Variants in FAM13A observed in about 807,000 individuals in gnomAD.
FAM13A encodes protein FAM13A.
Under a neutral mutation model 129.6 loss-of-function variants are expected in FAM13A, and 76 were observed. The ratio of observed to expected loss-of-function variants is 0.59; its 90% CI spans 0.49 to 0.71. The LOEUF is 0.71. FAM13A is among the 30% of genes least tolerant of loss of function. The probability of loss-of-function intolerance (pLI) is 0.00; values close to 1 mark genes in which losing one functional copy is unlikely to be tolerated. For missense variants in FAM13A, 1,108 were observed against 1,249.3 expected, an observed-to-expected ratio of 0.89 and a Z score of 1.70; for synonymous variants, 443 against 449.9, an observed-to-expected ratio of 0.98 and a Z score of 0.20.
intron 5 of FAM13A, among the ~76,000 whole-genome samples, chr4:88,931,702 C>G (rs566747641): frequency 6.6e-6 from 1 of 152,150 alleles, no homozygotes; most frequent in Non-Finnish European, 1.5e-5. Flanking sequence ...CATCATTTAA[C>G]TTTTTTTAAC....
intron 1 of FAM13A, among the ~76,000 whole-genome samples, chr4:89,056,737 A>G (rs1347593258): frequency 1.3e-5 from 2 of 152,204 alleles, no homozygotes; most frequent in African/African-American, 4.8e-5. Context: ...TTTGGAAACT[A>G]AAGTGCACAA....
In FAM13A at chr4:88,727,462, G is replaced by C. The variant is rs570248500; in HGVS notation, c.*1071C>G. ...CTTTTTATACATGATCTCGAAAATA[G>C]TGTGATTTAGATTCTGCCTTGGGCT... On this transcript the variant is annotated 3_prime_UTR_variant, in exon 24 of 24. Transcript: ENST00000264344. 6.6e-6 allele frequency: 1 copy of C among 152,656 alleles called. No individual in the cohort carries two copies. The highest frequency in any genetic ancestry group is 2.1e-4 in the South Asian group (1 of 4,824). 9.5% of individuals were successfully genotyped at this position (152,656 alleles called of 1,614,324 possible). A position where few individuals can be genotyped will look rare whatever the true frequency, so the allele number is the denominator to read the frequency against.
intron 8 of FAM13A, among the ~76,000 whole-genome samples, chr4:88,797,681 A>G (rs983255569): frequency 6.6e-6 from 1 of 152,150 alleles, no homozygotes; most frequent in Non-Finnish European, 1.5e-5. Context: ...ACTGCCTTCA[A>G]CATAGTTTTT....
intron 7 of FAM13A, among the ~76,000 whole-genome samples, chr4:88,828,862 G>A (rs1221244180): frequency 3.3e-5 from 5 of 152,214 alleles, no homozygotes; most frequent in African/African-American, 1.2e-4. Flanking sequence ...AATCACAGAT[G>A]TGCTAAAAGT....
chr4:88,863,285 T>C (rs1013530608), intron 6 of FAM13A, among the ~76,000 whole-genome samples: 2 of 152,104 alleles, frequency 1.3e-5, no homozygotes, highest in African/African-American at 4.8e-5. Context: ...GGAACCTCCA[T>C]AAAAAGCGTA....
chr4:88,845,386 C>T (rs949455038), intron 7 of FAM13A, among the ~76,000 whole-genome samples: 2 of 151,966 alleles, frequency 1.3e-5, no homozygotes, highest in Non-Finnish European at 2.9e-5. Context: ...GCCTGAGATA[C>T]TGATTTCTTA....
At chr4:88,767,630 A>ACAAG in intron 12 of FAM13A, 35 bp from the exon 13 acceptor site, 3 of 1,508,052 alleles carry the variant, frequency 2.0e-6, no homozygotes, top group Non-Finnish European at 2.7e-6. Context: ...AAATCATAAA[A>ACAAG]TATCTACTTG....
chr4:88,873,986 C>A (rs1277360383), intron 6 of FAM13A, among the ~76,000 whole-genome samples: 2 of 151,988 alleles, frequency 1.3e-5, no homozygotes, highest in African/African-American at 2.4e-5. Context: ...TGGTTCAACA[C>A]ACGCAAATCA....
Position 88,851,083 on chromosome 4 carries a change from C to G in FAM13A, c.944G>C (p.Arg315Thr), listed in dbSNP as rs2149985561. The G allele has an allele frequency of 6.2e-7, 1 of 1,613,840 alleles. No individual in the cohort carries two copies. Among genetic ancestry groups the G allele is most frequent in the Admixed American group, 1.7e-5 (1 of 59,980 alleles). Residue 315 changes from arginine to threonine, a missense_variant, in exon 7 of 24, where the codon AGA becomes ACA. Around this residue, in one of 3 missense-constraint regions of FAM13A, gnomAD observed 566 missense variants for 595.7 expected, o/e 0.95. Transcript: ENST00000264344. Reference protein sequence around the residue: ...IPQLSLRLSYRKACLEDMNSA... With the variant: ...IPQLSLRLSYTKACLEDMNSA... ...ATTCATGTCTTCCAAGCAGGCTTTT[C>G]TATAACTTAGCCGCAAGCTGAGCTG...
At chr4:89,034,644 G>T (rs1246840300) in intron 1 of FAM13A, among the ~76,000 whole-genome samples, 1 of 152,202 alleles carries the variant, frequency 6.6e-6, no homozygotes, top group Non-Finnish European at 1.5e-5. Context: ...CACTTTGGGA[G>T]GCCAAGGCAG....
chr4:88,821,926 C>T (rs1732002376), intron 7 of FAM13A, among the ~76,000 whole-genome samples: 1 of 152,098 alleles, frequency 6.6e-6, no homozygotes, highest in Non-Finnish European at 1.5e-5. Flanking sequence ...CTGTAGAAAC[C>T]ATTTTGCAAA....
At chr4:88,782,347 C>T (rs1723116267) in intron 10 of FAM13A, among the ~76,000 whole-genome samples, 1 of 151,568 alleles carries the variant, frequency 6.6e-6, no homozygotes, top group South Asian at 2.1e-4. Flanking sequence ...ATCAGCACAG[C>T]ACCATGGCTT....
chr4:88,870,463 G>A (rs1195132463), intron 6 of FAM13A, among the ~76,000 whole-genome samples: 3 of 152,204 alleles, frequency 2.0e-5, no homozygotes, highest in Admixed American at 6.5e-5. Context: ...CTTAGCAAAT[G>A]GCACACCAGG....
intron 8 of FAM13A, among the ~76,000 whole-genome samples, chr4:88,799,325 GA>G: frequency 6.6e-6 from 1 of 152,260 alleles, no homozygotes; most frequent in East Asian, 1.9e-4. Flanking sequence ...GCTATTATTA[GA>G]AAAACAAAAT....
Position 88,731,035 on chromosome 4 carries a change from C to T in FAM13A, c.2945+292G>A, listed in dbSNP as rs535801309. Among the ~76,000 whole-genome samples, 3 of 152,284 alleles carry T rather than the reference C, an allele frequency of 2.0e-5. No homozygotes were observed. In the East Asian group the frequency reaches 5.8e-4, roughly 29 times the overall value. On this transcript the variant is annotated intron_variant, in intron 23 of 23. Transcript: ENST00000264344. The stretch of plus-strand genomic sequence containing the variant: ...GCGGGAAACGCAGCTTCCTGCTGCT[C>T]ATTGTAGATAAGAATTTGATGGGAC...
chr4:88,873,141 T>A (rs1741725942), intron 6 of FAM13A, among the ~76,000 whole-genome samples: 1 of 152,150 alleles, frequency 6.6e-6, no homozygotes, highest in African/African-American at 2.4e-5. Context: ...TTTAAAGCAG[T>A]GTGTAGAGGG....
intron 6 of FAM13A, among the ~76,000 whole-genome samples, chr4:88,856,336 T>A (rs1289314181): frequency 6.6e-6 from 1 of 150,866 alleles, no homozygotes; most frequent in South Asian, 2.1e-4. Flanking sequence ...AAAAAAAAAA[T>A]AGCCAGGCCT....
chr4:89,002,954 C>T (rs193015096), intron 3 of FAM13A, among the ~76,000 whole-genome samples: 1 of 151,880 alleles, frequency 6.6e-6, no homozygotes, highest in Admixed American at 6.5e-5. Context: ...GGAAATTTCA[C>T]AGAAAACAGA....
intron 1 of FAM13A, among the ~76,000 whole-genome samples, chr4:89,049,623 TA>T: frequency 6.6e-6 from 1 of 152,360 alleles, no homozygotes; most frequent in South Asian, 2.1e-4. Flanking sequence ...ACATTTTTCA[TA>T]GAATAAAACA....
Sources: allele counts gnomAD v4.1 joint callset (sites outside exome capture counted in the v4.1 genomes callset), GRCh38; gene constraint gnomAD v4.1.1; regional missense constraint gnomAD v4.1.1; transcripts MANE v1.5; gene names NCBI Gene and HGNC (gene_info 2026-07-23, HGNC 2026-07-21).